Variants in SNRNP70 observed in about 807,000 individuals in gnomAD.
SNRNP70 encodes the protein U1 small nuclear ribonucleoprotein 70 kDa.
SNRNP70 carries 8 observed loss-of-function variants against 50.5 expected under a neutral mutation model. That is an observed-to-expected ratio of 0.16 (90% CI 0.09 to 0.29). SNRNP70 has a LOEUF of 0.29. SNRNP70 is among the 10% of genes least tolerant of loss of function. SNRNP70 has a pLI of 1.00. For missense variants in SNRNP70, 529 were observed against 663.5 expected (o/e 0.80, Z 2.23); for synonymous variants, 320 against 252.9 (o/e 1.27, Z -2.52).
intron 4 of SNRNP70, among the ~76,000 whole-genome samples, chr19:49,095,770 G>T (rs1046065792): frequency 6.6e-6 from 1 of 151,956 alleles, no homozygotes; most frequent in Admixed American, 6.6e-5. Context: ...CAAGTGATCC[G>T]CCTGCCTTGG....
intron 8 of SNRNP70, among the ~76,000 whole-genome samples, chr19:49,105,374 T>C (rs968862762): frequency 6.6e-6 from 1 of 152,000 alleles, no homozygotes; most frequent in Non-Finnish European, 1.5e-5. Context: ...TGGGCATCCT[T>C]TGGAGTTCGG....
Position 49,107,603 on chromosome 19 carries a change from C to T in SNRNP70, c.578-22C>T, listed in dbSNP as rs2040689462. On this transcript the variant is annotated intron_variant, in intron 8 of 9. Transcript: ENST00000598441. The surrounding 1 kb of genome is among the most constrained non-coding windows in gnomAD (Gnocchi z 6.0). Reference sequence around the variant, plus strand: ...CCCTGTCCCTGCCCAGATTCACCCTCTGTCCGTCTGCCCTGCCCCAGGAGG... The same window carrying T: ...CCCTGTCCCTGCCCAGATTCACCCTTTGTCCGTCTGCCCTGCCCCAGGAGG... The T allele has an allele frequency of 6.2e-7, 1 of 1,611,318 alleles. No homozygotes were observed. Among genetic ancestry groups the T allele is most frequent in the Non-Finnish European group, 8.5e-7 (1 of 1,177,510 alleles).
intron 8 of SNRNP70, among the ~76,000 whole-genome samples, chr19:49,106,809 A>C (rs951495311): frequency 1.1e-4 from 16 of 152,146 alleles, no homozygotes; most frequent in Non-Finnish European, 7.3e-5. Flanking sequence ...TTCACTTGAC[A>C]CACACACATC....
chr19:49,092,098 T>TTTTG (rs146031499), intron 4 of SNRNP70, among the ~76,000 whole-genome samples: 7,437 of 151,824 alleles, frequency 0.049, 221 homozygotes, highest in African/African-American at 0.077. Context: ...ACCTATGTCT[T>TTTTG]TTTGTTTGTT....
rs75744123 is a variant in SNRNP70, at chr19:49,094,226, C to T, written c.265+3706C>T. 3.6e-3 allele frequency among the ~76,000 whole-genome samples: 545 copies of T among 152,166 alleles called. 4 individuals carry two copies. The highest frequency in any genetic ancestry group is 0.013 in the African/African-American group (521 of 41,522). ...GGAATTTCATTTAAAATAATCCAGC[C>T]GGTCGTGGTGGTTCACGCCTGTAAT... is the stretch of plus-strand genomic sequence containing the variant. On this transcript the variant is annotated intron_variant, in intron 4 of 9. Coordinates refer to ENST00000598441, the MANE Select transcript of SNRNP70 (RefSeq NM_003089.6).
intron 2 of SNRNP70, among the ~76,000 whole-genome samples, chr19:49,086,881 A>ATT (rs5828373): frequency 5.3e-5 from 8 of 149,864 alleles, no homozygotes; most frequent in Admixed American, 2.7e-4. Flanking sequence ...CAAAAAAAAA[A>ATT]TTTTTTTTTT....
intron 7 of SNRNP70, chr19:49,103,417 G>C (rs1062249): frequency 6.6e-6 from 1 of 152,632 alleles, no homozygotes; most frequent in Non-Finnish European, 1.5e-5. Flanking sequence ...AGCTTTAGCT[G>C]ACCCCGTGGT....
rs765100260 is a variant in SNRNP70 at position 49,104,603 on chromosome 19, T to C, written c.476-31T>C. ...GACTAGAGGACCCTCTGGGGACTCC[T>C]CTCCCCTCCCCCTCCCCACATCTGT... On this transcript the variant is annotated intron_variant, in intron 7 of 9. Transcript: ENST00000598441. This position sits in a 1 kb window ranked among gnomAD's most constrained non-coding sequence, Gnocchi z 5.4. 89 of 1,522,850 alleles carry C rather than the reference T, an allele frequency of 5.8e-5. No individual in the cohort carries two copies. The highest frequency in any genetic ancestry group is 7.3e-5 in the Non-Finnish European group (82 of 1,121,562). The allele number at this position is 1,522,850 out of a possible 1,614,324, so 94.3% of individuals were successfully genotyped here. A position where few individuals can be genotyped will look rare whatever the true frequency, so the allele number is the denominator to read the frequency against.
intron 4 of SNRNP70, among the ~76,000 whole-genome samples, chr19:49,095,279 A>G (rs1299236232): frequency 6.6e-6 from 1 of 152,188 alleles, no homozygotes; most frequent in Non-Finnish European, 1.5e-5. Context: ...TCCACTCCCC[A>G]GCCCTGCAGC....
At chr19:49,096,494 G>T (rs374122169) in intron 4 of SNRNP70, among the ~76,000 whole-genome samples, 5 of 152,052 alleles carry the variant, frequency 3.3e-5, no homozygotes, top group African/African-American at 1.2e-4. Context: ...GGCCAGGTGC[G>T]GTGGCTCACG....
rs146957945 is a variant in SNRNP70, at chr19:49,099,458, C to T, written c.393+754C>T. On this transcript the variant is annotated intron_variant, in intron 6 of 9. Coordinates refer to ENST00000598441, the MANE Select transcript of SNRNP70 (RefSeq NM_003089.6). ...AAAAAAAGTATTGTTGGGCCAGGCA[C>T]GGTGGCTCACGCCTGTAATCCCAGC... Among the ~76,000 whole-genome samples, 270 of 151,460 alleles carry T rather than the reference C, an allele frequency of 1.8e-3. 4 individuals are homozygous for T. The East Asian group carries it at 0.042, about 24-fold the overall frequency.
chr19:49,097,281 C>T lies in SNRNP70; in HGVS notation c.266-1146C>T, dbSNP rs187225118. Among the ~76,000 whole-genome samples the T allele has an allele frequency of 5.1e-4, 77 of 152,280 alleles. 3 individuals carry two copies. In the East Asian group the frequency reaches 0.011, roughly 22 times the overall value. ...TGAAGTCTGCCTTGGCCCTTCGCCA[C>T]TTTAACACCTCCCTTTTTCTGTGTC... On this transcript the variant is annotated intron_variant, in intron 4 of 9. Transcript: ENST00000598441.
At chr19:49,088,409 C>T (rs1266628117) in intron 2 of SNRNP70, among the ~76,000 whole-genome samples, 1 of 150,980 alleles carries the variant, frequency 6.6e-6, no homozygotes, top group Non-Finnish European at 1.5e-5. Context: ...CCGTGTTAGC[C>T]AGGATGGTCT....
At chr19:49,089,656 ATTTT>A (rs71179085) in intron 2 of SNRNP70, among the ~76,000 whole-genome samples, 22 of 82,584 alleles carry the variant, frequency 2.7e-4, no homozygotes, top group Non-Finnish European at 4.2e-4. Context: ...TTGAGACAGG[ATTTT>A]TTTTTTTTTT....
intron 4 of SNRNP70, among the ~76,000 whole-genome samples, chr19:49,095,975 CAA>C (rs11356728): frequency 2.7e-3 from 250 of 91,864 alleles, no homozygotes; most frequent in African/African-American, 4.1e-3. Flanking sequence ...TTAGCTGGTG[CAA>C]AAAAAAAAAA....
In SNRNP70 at chr19:49,085,451, A is replaced by C. The variant is rs1411155651; in HGVS notation, c.-196A>C. ...GCGGCCGGGACCCACCCCCTGCTCC[A>C]GTCGCTATCGGAGGCCGCGCGGGTG... is the stretch of plus-strand genomic sequence containing the variant. On this transcript the variant is annotated 5_prime_UTR_variant, in exon 1 of 10. Coordinates refer to ENST00000598441, the MANE Select transcript of SNRNP70 (RefSeq NM_003089.6). The C allele has an allele frequency of 2.4e-6, 1 of 420,200 alleles. No individual in the cohort carries two copies. The highest frequency in any genetic ancestry group is 2.0e-5 in the African/African-American group (1 of 48,948). 26.0% of individuals were successfully genotyped at this position (420,200 alleles called of 1,614,324 possible). A position where few individuals can be genotyped will look rare whatever the true frequency, so the allele number is the denominator to read the frequency against.
Position 49,107,924 on chromosome 19 carries a change from C to T in SNRNP70, c.795C>T (p.Arg265=). ...CCCGCTCCCGGGACCGGCGGAGGCG[C>T]TCACGGAGTCGCGACAAGGAGGAGC... The part of the protein sequence containing the change: ...RRSRSRDRRR[R]SRSRDKEERR... Residue 265 remains arginine, a synonymous_variant, in exon 10 of 10, where the codon CGC becomes CGT. Transcript: ENST00000598441. This position sits in a 1 kb window ranked among gnomAD's most constrained non-coding sequence, Gnocchi z 6.0. 6.5e-7 allele frequency: 1 copy of T among 1,547,598 alleles called. No individual in the cohort carries two copies. The highest frequency in any genetic ancestry group is 8.7e-7 in the Non-Finnish European group (1 of 1,146,332).
intron 7 of SNRNP70, chr19:49,103,663 T>C (rs1349710876): frequency 6.6e-6 from 1 of 151,680 alleles, no homozygotes; most frequent in African/African-American, 2.4e-5. Flanking sequence ...GGTATTACGG[T>C]TGGTTGAGGA....
intron 6 of SNRNP70, among the ~76,000 whole-genome samples, chr19:49,101,128 T>C (rs1013345806): frequency 6.6e-6 from 1 of 152,336 alleles, no homozygotes; most frequent in Admixed American, 6.5e-5. Flanking sequence ...TTACTGCTAT[T>C]CCACCTGACA....
Sources: gnomAD v4.1 joint callset for allele counts (sites outside exome capture counted in the v4.1 genomes callset) on GRCh38, gnomAD v4.1.1 for gene constraint, Gnocchi (gnomAD v3.1) non-coding constraint, MANE v1.5 for transcripts, NCBI Gene and HGNC (gene_info 2026-07-23, HGNC 2026-07-21) for gene names.